Variants in GRID2 observed in about 807,000 individuals in gnomAD.
The protein encoded by GRID2 is glutamate ionotropic receptor delta type subunit 2, also known as glutamate receptor ionotropic, delta-2.
In GRID2, 33 loss-of-function variants were observed where a neutral mutation model predicts 114.8. That is an observed-to-expected ratio of 0.29 (90% CI 0.22 to 0.38). The LOEUF (loss-of-function observed/expected upper bound fraction) is 0.38. Ranked by LOEUF, GRID2 falls within the 10% of genes least tolerant of loss-of-function variation. GRID2 has a pLI of 1.00. For synonymous variants in GRID2, 505 were observed against 449.9 expected, an observed-to-expected ratio of 1.12 and a Z score of -1.55; for missense variants, 1,184 against 1,257.7, an observed-to-expected ratio of 0.94 and a Z score of 0.89.
chr4:93,283,378 A>C (rs1166825933), intron 8 of GRID2, among the ~76,000 whole-genome samples: 1 of 152,080 alleles, frequency 6.6e-6, no homozygotes, highest in African/African-American at 2.4e-5. Context: ...ATTTATATAT[A>C]ATTCTAGCTC....
chr4:92,890,630 TGAG>T (rs938827959), intron 2 of GRID2, among the ~76,000 whole-genome samples: 1 of 152,106 alleles, frequency 6.6e-6, no homozygotes, highest in African/African-American at 2.4e-5. Flanking sequence ...CTGGAGAGGA[TGAG>T]GAGAAATAGG....
At chr4:92,709,544 A>G (rs1299890088) in intron 2 of GRID2, among the ~76,000 whole-genome samples, 2 of 142,710 alleles carry the variant, frequency 1.4e-5, no homozygotes, top group Non-Finnish European at 3.0e-5. Context: ...GAAATTTGCC[A>G]TTGTGAGGTT....
chr4:92,710,013 ATTAATT>A (rs1157601880), intron 2 of GRID2, among the ~76,000 whole-genome samples: 1 of 152,122 alleles, frequency 6.6e-6, no homozygotes, highest in Non-Finnish European at 1.5e-5. Context: ...TTGAAAGTAA[ATTAATT>A]TTAATTTAAA....
intron 2 of GRID2, among the ~76,000 whole-genome samples, chr4:93,047,380 C>T (rs1318948844): frequency 6.6e-6 from 1 of 152,064 alleles, no homozygotes; most frequent in East Asian, 1.9e-4. Context: ...ATGTATTATA[C>T]TGATATAAGA....
chr4:93,613,958 A>C (rs535855086), intron 13 of GRID2, among the ~76,000 whole-genome samples: 2,352 of 151,768 alleles, frequency 0.015, 20 homozygotes, highest in African/African-American at 0.021. Flanking sequence ...GCTAGCAATC[A>C]GCGAGATTCC....
rs535839447 is a variant in GRID2, at chr4:93,524,723, C to T, written c.2193+9312C>T. On this transcript the variant is annotated intron_variant, in intron 13 of 15. Coordinates refer to ENST00000282020, the MANE Select transcript of GRID2 (RefSeq NM_001510.4). ...CAAGTTTTATAGCAGACAAATCATA[C>T]TACAAATACTACAAACAAACATGTT... is the stretch of plus-strand genomic sequence containing the variant. Among the ~76,000 whole-genome samples, 7 of 146,024 alleles carry T rather than the reference C, an allele frequency of 4.8e-5. 1 individual carries two copies. The South Asian group carries it at 1.3e-3, about 27-fold the overall frequency.
At chr4:93,777,374 T>G (rs1410917579), downstream of GRID2, among the ~76,000 whole-genome samples, 1 of 152,214 alleles carries the variant, frequency 6.6e-6, no homozygotes, top group African/African-American at 2.4e-5. Flanking sequence ...TTTGAGAATT[T>G]TTTTCATATC....
At chr4:92,780,205 G>A (rs1270031330) in intron 2 of GRID2, among the ~76,000 whole-genome samples, 2 of 152,080 alleles carry the variant, frequency 1.3e-5, no homozygotes, top group African/African-American at 4.8e-5. Context: ...TGTATGACTT[G>A]TCCTATTGGT....
At chr4:92,869,849 A>T (rs1253912626) in intron 2 of GRID2, among the ~76,000 whole-genome samples, 1 of 152,108 alleles carries the variant, frequency 6.6e-6, no homozygotes, top group Non-Finnish European at 1.5e-5. Flanking sequence ...CTTCCAGACC[A>T]CCTTAACTTC....
chr4:93,021,438 A>T (rs1188863379), intron 2 of GRID2, among the ~76,000 whole-genome samples: 1 of 149,672 alleles, frequency 6.7e-6, no homozygotes, highest in Non-Finnish European at 1.5e-5. Flanking sequence ...AATGATAGAT[A>T]TTTAATTTTA....
At chr4:92,799,810 C>A (rs1444284926) in intron 2 of GRID2, among the ~76,000 whole-genome samples, 2 of 151,902 alleles carry the variant, frequency 1.3e-5, no homozygotes, top group African/African-American at 2.4e-5. Context: ...CAGTAAGTAT[C>A]GTTTTCTCAA....
chr4:92,728,998 T>C (rs745637987), intron 2 of GRID2, among the ~76,000 whole-genome samples: 2 of 152,172 alleles, frequency 1.3e-5, no homozygotes, highest in South Asian at 2.1e-4. Flanking sequence ...TAGGATAATA[T>C]ACACCTCAAC....
chr4:93,687,137 T>C (rs1168190972), intron 14 of GRID2, among the ~76,000 whole-genome samples: 1 of 151,940 alleles, frequency 6.6e-6, no homozygotes, highest in Non-Finnish European at 1.5e-5. Context: ...GCTGATGGAT[T>C]GGAAGTGGAA....
intron 12 of GRID2, among the ~76,000 whole-genome samples, chr4:93,511,127 G>T (rs1729126767): frequency 6.6e-6 from 1 of 152,006 alleles, no homozygotes; most frequent in African/African-American, 2.4e-5. Flanking sequence ...AGTAGAGACA[G>T]GGTTTCACCA....
At chr4:92,741,432 G>T (rs1485239744) in intron 2 of GRID2, among the ~76,000 whole-genome samples, 1 of 152,044 alleles carries the variant, frequency 6.6e-6, no homozygotes, top group Non-Finnish European at 1.5e-5. Flanking sequence ...TAAATCACTG[G>T]TAGGTCATAT....
chr4:93,778,689 C>A (rs373999698), downstream of GRID2, among the ~76,000 whole-genome samples: 3 of 152,134 alleles, frequency 2.0e-5, no homozygotes, highest in African/African-American at 7.2e-5. Flanking sequence ...TGAGCCACCA[C>A]GCCCAGTCTT....
intron 4 of GRID2, among the ~76,000 whole-genome samples, chr4:93,149,837 G>T (rs916612813): frequency 6.6e-6 from 1 of 151,722 alleles, no homozygotes; most frequent in Admixed American, 6.6e-5. Context: ...GTCTCACTAT[G>T]TTGACCAGGC....
intron 12 of GRID2, among the ~76,000 whole-genome samples, chr4:93,512,560 T>A (rs1313605476): frequency 6.6e-6 from 1 of 151,918 alleles, no homozygotes; most frequent in East Asian, 2.0e-4. Context: ...TCAGAAAACC[T>A]GTAATTTTTA....
intron 11 of GRID2, among the ~76,000 whole-genome samples, chr4:93,463,729 C>A (rs556258399): frequency 6.6e-6 from 1 of 151,876 alleles, no homozygotes; most frequent in Non-Finnish European, 1.5e-5. Flanking sequence ...GTGGCTCACG[C>A]CTGTAATCCC....
Sources: gnomAD v4.1 joint callset for allele counts (sites outside exome capture counted in the v4.1 genomes callset) on GRCh38, gnomAD v4.1.1 for gene constraint, MANE v1.5 for transcripts, NCBI Gene and HGNC (gene_info 2026-07-23, HGNC 2026-07-21) for gene names.